The following PDXDC1 variants were observed in gnomAD, a reference collection of about 807,000 sequenced individuals.
The protein encoded by PDXDC1 is pyridoxal dependent decarboxylase domain containing 1.
PDXDC1 carries 42 observed loss-of-function variants against 100.1 expected under a neutral mutation model. The observed-to-expected ratio is 0.42, with a 90% CI of 0.33 to 0.54. The LOEUF is 0.54. Ranked by LOEUF, PDXDC1 falls within the 20% of genes least tolerant of loss-of-function variation. The pLI is 0.10. For synonymous variants in PDXDC1, 260 were observed against 371.7 expected, an observed-to-expected ratio of 0.70 and a Z score of 3.46; for missense variants, 636 against 979.2, an observed-to-expected ratio of 0.65 and a Z score of 4.68.
At chr16:15,031,705 G>A in intron 16 of PDXDC1, 30 bp from the exon 17 acceptor site, 1 of 1,591,140 alleles carries the variant, frequency 6.3e-7, no homozygotes, top group East Asian at 2.3e-5. Flanking sequence ...CATCTCGTGA[G>A]CATTTCTCTG....
chr16:15,122,793 A>T (rs1212514349), intron 16 of PDXDC1, among the ~76,000 whole-genome samples: 10 of 97,832 alleles, frequency 1.0e-4, no homozygotes, highest in African/African-American at 3.9e-5. Context: ...AGGGAAGGGG[A>T]CGGGGACTGG....
At chr16:15,061,645 T>C (rs1158088920) in intron 16 of PDXDC1, 14 of 1,199,116 alleles carry the variant, frequency 1.2e-5, no homozygotes, top group African/African-American at 3.0e-5. Flanking sequence ...CTCGCTCTAG[T>C]TCAATGCCAT....
chr16:14,978,136 C>T (rs1332750015), intron 1 of PDXDC1, among the ~76,000 whole-genome samples: 1 of 152,210 alleles, frequency 6.6e-6, no homozygotes, highest in Non-Finnish European at 1.5e-5. Context: ...TTTCTTGTAT[C>T]TGAGATCAGT....
chr16:15,095,028 G>C (rs1215270140), intron 16 of PDXDC1, among the ~76,000 whole-genome samples: 3 of 151,930 alleles, frequency 2.0e-5, no homozygotes, highest in African/African-American at 4.8e-5. Context: ...AGTGGAGACG[G>C]GGTTGCACTG....
chr16:15,092,694 T>A, intron 16 of PDXDC1: 2 of 952,284 alleles, frequency 2.1e-6, no homozygotes, highest in Non-Finnish European at 1.7e-6. Context: ...TGAACCAACA[T>A]AATTCAGTGG....
chr16:15,149,350 C>A, the PDXDC1 span, among the ~76,000 whole-genome samples: 2 of 152,144 alleles, frequency 1.3e-5, no homozygotes, highest in South Asian at 2.1e-4. Flanking sequence ...ACGGAGCCCT[C>A]GAGGGTGGCC....
intron 16 of PDXDC1, among the ~76,000 whole-genome samples, chr16:15,049,434 A>ATTT (rs35440863): frequency 5.3e-4 from 77 of 146,410 alleles, no homozygotes; most frequent in Middle Eastern, 3.5e-3. Context: ...CTTTTATCTT[A>ATTT]TTTTTTTTTT....
At chr16:15,033,870 A>C (rs1261899766) in intron 19 of PDXDC1, among the ~76,000 whole-genome samples, 1 of 152,206 alleles carries the variant, frequency 6.6e-6, no homozygotes, top group Admixed American at 6.5e-5. Flanking sequence ...AAGGCTGATA[A>C]GGTATCCTCC....
At chr16:14,975,397 GC>G (rs1375607882) in intron 1 of PDXDC1, 177 bp downstream of exon 1, 1 of 985,366 alleles carries the variant, frequency 1.0e-6, no homozygotes, top group East Asian at 1.1e-4. Context: ...GCGTCACGGG[GC>G]CGGGTGTCTC....
At chr16:15,135,581 G>A in intron 16 of PDXDC1, 2 of 1,255,020 alleles carry the variant, frequency 1.6e-6, no homozygotes, top group South Asian at 1.3e-5. Context: ...GTGGCAAGCT[G>A]GGTGTTCTCT....
rs368654353 is a variant in PDXDC1, at chr16:15,058,413, A to C, written c.1399+28357A>C. The stretch of plus-strand genomic sequence containing the variant: ...ATGGCAAAGTTCAAAGAATATATAC[A>C]GGGAAATATTTTTTAAATTACACTT... On this transcript the variant is annotated intron_variant, in intron 16 of 16. Coordinates refer to the PDXDC1 transcript ENST00000535621. Among the ~76,000 whole-genome samples the C allele has an allele frequency of 3.3e-4, 50 of 152,318 alleles. No individual in the cohort carries two copies. The South Asian group carries it at 9.5e-3, about 29-fold the overall frequency.
chr16:15,073,474 C>T (rs1164864188), intron 16 of PDXDC1, among the ~76,000 whole-genome samples: 1 of 152,084 alleles, frequency 6.6e-6, no homozygotes, highest in African/African-American at 2.4e-5. Flanking sequence ...AAAAGAAAGA[C>T]AGACATTATC....
chr16:15,083,499 A>T (rs1440169890), intron 16 of PDXDC1: 1 of 1,608,464 alleles, frequency 6.2e-7, no homozygotes, highest in Admixed American at 1.7e-5. Context: ...GTTCTCAATG[A>T]AAAGATTTCT....
At chr16:15,029,825 C>G in intron 15 of PDXDC1, 126 bp from the exon 16 acceptor site, 1 of 750,710 alleles carries the variant, frequency 1.3e-6, no homozygotes, top group South Asian at 1.8e-5. Context: ...AGTAATCAGA[C>G]AGTCAAAAGA....
At chr16:14,992,614 A>G (rs1193152801) in intron 1 of PDXDC1, among the ~76,000 whole-genome samples, 19 of 152,260 alleles carry the variant, frequency 1.2e-4, no homozygotes, top group African/African-American at 4.3e-4. Context: ...CACTTGTTTT[A>G]AAATTTGTCT....
chr16:15,111,217 G>A (rs566668926), intron 16 of PDXDC1, among the ~76,000 whole-genome samples: 83 of 149,056 alleles, frequency 5.6e-4, no homozygotes, highest in African/African-American at 2.0e-3. Flanking sequence ...AGCACTTTGG[G>A]AGGCCGAGGC....
At chr16:15,086,662 T>C (rs945964295) in intron 16 of PDXDC1, among the ~76,000 whole-genome samples, 5 of 152,212 alleles carry the variant, frequency 3.3e-5, no homozygotes, top group African/African-American at 7.2e-5. Flanking sequence ...GTAACTCTAA[T>C]ACACAGGAGA....
At chr16:15,082,955 C>T (rs1259580897) in intron 16 of PDXDC1, among the ~76,000 whole-genome samples, 20 of 152,172 alleles carry the variant, frequency 1.3e-4, no homozygotes, top group Non-Finnish European at 2.4e-4. Flanking sequence ...AAAGCCACTA[C>T]AGATATTCCT....
chr16:15,136,947 G>A (rs1783259081), intron 16 of PDXDC1: 3 of 1,567,696 alleles, frequency 1.9e-6, no homozygotes, highest in Non-Finnish European at 2.6e-6. Flanking sequence ...TGGATGCTGA[G>A]GTCGAGGCTC....
Sources: gnomAD v4.1 joint callset for allele counts (sites outside exome capture counted in the v4.1 genomes callset) on GRCh38, gnomAD v4.1.1 for gene constraint, MANE v1.5 for transcripts, NCBI Gene and HGNC (gene_info 2026-07-23, HGNC 2026-07-21) for gene names.